Variants in DENND5B observed in about 807,000 individuals in gnomAD.
DENND5B encodes the protein DENN domain-containing protein 5B.
Under a neutral mutation model 140.6 loss-of-function variants are expected in DENND5B, and 34 were observed. The ratio of observed to expected loss-of-function variants is 0.24; its 90% confidence interval spans 0.18 to 0.32. DENND5B has a LOEUF of 0.32. Among genes scored for constraint, DENND5B ranks in the 10% least tolerant of loss-of-function variants. The pLI, the probability that DENND5B is intolerant of heterozygous loss-of-function variation, is 1.00. For missense variants in DENND5B, 1,142 were observed against 1,560.2 expected (o/e 0.73, Z 4.52); for synonymous variants, 551 against 562.1 (o/e 0.98, Z 0.28).
intron 3 of DENND5B, among the ~76,000 whole-genome samples, chr12:31,463,004 T>C: frequency 6.6e-6 from 1 of 151,510 alleles, no homozygotes; most frequent in East Asian, 1.9e-4. Flanking sequence ...GCTCAAGACC[T>C]GCAATCCCAG....
chr12:31,546,398 T>C (rs1387785077), intron 1 of DENND5B, among the ~76,000 whole-genome samples: 1 of 151,898 alleles, frequency 6.6e-6, no homozygotes, highest in Non-Finnish European at 1.5e-5. Context: ...AATAAAGTTT[T>C]TATTTTGGCC....
intron 6 of DENND5B, among the ~76,000 whole-genome samples, chr12:31,445,483 T>G (rs985873224): frequency 1.3e-5 from 2 of 152,144 alleles, no homozygotes; most frequent in African/African-American, 4.8e-5. Context: ...GCAGGTGTTT[T>G]GTTTGAGCTC....
At chr12:31,434,493 AAC>A in intron 7 of DENND5B, among the ~76,000 whole-genome samples, 1 of 152,108 alleles carries the variant, frequency 6.6e-6, no homozygotes, top group Non-Finnish European at 1.5e-5. Flanking sequence ...ATAATGATTC[AAC>A]TCATGTGCCC....
chr12:31,404,315 G>C (rs1341224791), intron 14 of DENND5B, among the ~76,000 whole-genome samples: 2 of 152,154 alleles, frequency 1.3e-5, no homozygotes, highest in Non-Finnish European at 2.9e-5. Context: ...TGGTTTTCTA[G>C]AGACAGGATG....
intron 1 of DENND5B, among the ~76,000 whole-genome samples, chr12:31,521,228 G>C (rs921834153): frequency 5.9e-5 from 9 of 151,820 alleles, no homozygotes; most frequent in African/African-American, 1.7e-4. Context: ...GTTATATATA[G>C]TAAGTTCAGA....
intron 1 of DENND5B, among the ~76,000 whole-genome samples, chr12:31,579,796 G>A (rs1222592936): frequency 1.4e-5 from 2 of 147,880 alleles, no homozygotes; most frequent in Non-Finnish European, 3.0e-5. Context: ...GAGGGAGGGA[G>A]GGAGGAGAGA....
At chr12:31,514,760 T>C (rs1177677769) in intron 1 of DENND5B, among the ~76,000 whole-genome samples, 2 of 151,692 alleles carry the variant, frequency 1.3e-5, no homozygotes, top group African/African-American at 2.4e-5. Context: ...GAGGCAGAGG[T>C]TGCAGTGAGC....
intron 12 of DENND5B, among the ~76,000 whole-genome samples, chr12:31,415,002 C>T (rs1040485600): frequency 2.0e-5 from 3 of 151,056 alleles, no homozygotes; most frequent in South Asian, 4.2e-4. Context: ...GTAATTCTAG[C>T]GACTTGGGAG....
intron 1 of DENND5B, among the ~76,000 whole-genome samples, chr12:31,502,681 C>T (rs959623496): frequency 1.3e-5 from 2 of 152,144 alleles, no homozygotes; most frequent in African/African-American, 4.8e-5. Context: ...ACACCCCCAA[C>T]GTTTGATGAT....
At chr12:31,498,972 CAAA>C (rs369875785) in intron 1 of DENND5B, among the ~76,000 whole-genome samples, 1 of 100,482 alleles carries the variant, frequency 1.0e-5, no homozygotes. Flanking sequence ...GGCTCCGTCT[CAAA>C]AAAAAAAAAA....
At chr12:31,581,886 T>C (rs1471307132) in intron 1 of DENND5B, among the ~76,000 whole-genome samples, 2 of 152,148 alleles carry the variant, frequency 1.3e-5, no homozygotes, top group Non-Finnish European at 2.9e-5. Flanking sequence ...AATCGTGTAG[T>C]ACGTACAGAT....
intron 1 of DENND5B, among the ~76,000 whole-genome samples, chr12:31,535,453 C>T (rs568952053): frequency 6.6e-6 from 1 of 152,218 alleles, no homozygotes; most frequent in South Asian, 2.1e-4. Context: ...CACACACACA[C>T]ACTCTGACTC....
At chr12:31,391,033 C>T (rs571634884) in intron 19 of DENND5B, among the ~76,000 whole-genome samples, 15 of 152,210 alleles carry the variant, frequency 9.9e-5, no homozygotes, top group African/African-American at 3.4e-4. Context: ...CAAACAAAAA[C>T]GTTCTATCAT....
At chr12:31,477,184 T>C (rs113228920) in intron 3 of DENND5B, among the ~76,000 whole-genome samples, 2,229 of 151,002 alleles carry the variant, frequency 0.015, 30 homozygotes, top group Non-Finnish European at 0.021. Flanking sequence ...GCCAAGATCA[T>C]GCCACTGCAC....
intron 1 of DENND5B, among the ~76,000 whole-genome samples, chr12:31,585,230 C>A (rs1434329803): frequency 6.6e-6 from 1 of 152,172 alleles, no homozygotes; most frequent in Admixed American, 6.5e-5. Context: ...GATCTTGAAT[C>A]TTCTTTGGCC....
chr12:31,577,073 A>G (rs753858413), intron 1 of DENND5B, among the ~76,000 whole-genome samples: 20 of 152,154 alleles, frequency 1.3e-4, no homozygotes, highest in Non-Finnish European at 2.4e-4. Context: ...ATCTTTGAAG[A>G]AGGGATTAGA....
chr12:31,567,146 A>G (rs895484968), intron 1 of DENND5B, among the ~76,000 whole-genome samples: 2 of 152,148 alleles, frequency 1.3e-5, no homozygotes, highest in East Asian at 1.9e-4. Flanking sequence ...CAAACCCAAC[A>G]TACAATAAAG....
chr12:31,448,022 CAA>C (rs756596239), intron 5 of DENND5B, among the ~76,000 whole-genome samples: 35 of 151,876 alleles, frequency 2.3e-4, no homozygotes, highest in Non-Finnish European at 5.9e-5. Flanking sequence ...CATTATGTAG[CAA>C]AGAGGGCATC....
chr12:31,591,094 T>C lies in DENND5B; in HGVS notation c.-262A>G, dbSNP rs1221653138. 1 of 158,562 alleles carries C rather than the reference T, an allele frequency of 6.3e-6. No homozygotes were observed. The highest frequency in any genetic ancestry group is 1.3e-5 in the Non-Finnish European group (1 of 75,848). The allele number at this position is 158,562 out of a possible 1,614,324, so 9.8% of individuals were successfully genotyped here. ...GGGGGAGTGTCGGCCTGAGAGGCCC[T>C]CGCAGCCGCAGCTGCGCTCGCGAGC... is the stretch of plus-strand genomic sequence containing the variant. On this transcript the variant is annotated 5_prime_UTR_variant, in exon 1 of 21. Coordinates refer to ENST00000389082, the MANE Select transcript of DENND5B (RefSeq NM_144973.4).
Sources: gnomAD v4.1 joint callset for allele counts (sites outside exome capture counted in the v4.1 genomes callset) on GRCh38, gnomAD v4.1.1 for gene constraint, MANE v1.5 for transcripts, NCBI Gene and HGNC (gene_info 2026-07-23, HGNC 2026-07-21) for gene names.